Variants in HTT observed in about 807,000 individuals in gnomAD.
HTT encodes huntingtin, also known as huntington disease protein.
In HTT, 104 loss-of-function variants were observed where a neutral mutation model predicts 362.3. That is an observed-to-expected ratio of 0.29 (90% CI 0.24 to 0.34). The LOEUF is 0.34. HTT is among the 10% of genes least tolerant of loss of function. The pLI is 1.00. For synonymous variants in HTT, 1,577 were observed against 1,548.7 expected, an observed-to-expected ratio of 1.02 and a Z score of -0.43; for missense variants, 3,301 against 3,928.6, an observed-to-expected ratio of 0.84 and a Z score of 4.27.
At chr4:3,102,978 ATACCT>A in intron 3 of HTT, among the ~76,000 whole-genome samples, 1 of 152,144 alleles carries the variant, frequency 6.6e-6, no homozygotes, top group Non-Finnish European at 1.5e-5. Flanking sequence ...GACCACGGGC[ATACCT>A]GACAGTGAGG....
chr4:3,088,133 G>A (rs1276620726), intron 2 of HTT, among the ~76,000 whole-genome samples: 1 of 151,528 alleles, frequency 6.6e-6, no homozygotes, highest in Non-Finnish European at 1.5e-5. Context: ...CAGGGCGCCC[G>A]GTGATTCATT....
Position 3,105,444 on chromosome 4 carries a change from G to C in HTT, c.608+8G>C, listed in dbSNP as rs202132294. 1.3e-6 allele frequency: 2 copies of C among 1,595,412 alleles called. No individual in the cohort carries two copies. Among genetic ancestry groups the C allele is most frequent in the Non-Finnish European group, 1.7e-6 (2 of 1,162,884 alleles). Reference sequence around the variant, plus strand: ...TCGGCCTCAGAAATGCAGGTAAGTTGTACACTCTGGATGTTGGTTTTTGTC... The same window carrying C: ...TCGGCCTCAGAAATGCAGGTAAGTTCTACACTCTGGATGTTGGTTTTTGTC... On this transcript the variant is annotated splice_region_variant and intron_variant, in intron 5 of 66. Transcript: ENST00000355072.
At chr4:3,165,536 T>A (rs951170789) in intron 29 of HTT, among the ~76,000 whole-genome samples, 1 of 152,218 alleles carries the variant, frequency 6.6e-6, no homozygotes, top group Non-Finnish European at 1.5e-5. Flanking sequence ...TCCCCATCAC[T>A]TTCAGGTACA....
rs1484796800 is a variant in HTT, at chr4:3,135,938, T to G, written c.2668T>G (p.Leu890Val). 1 of 1,604,228 alleles carries G rather than the reference T, an allele frequency of 6.2e-7. No individual in the cohort carries two copies. ...CTTTTTGGAGGCAAAAGCAGAAAACTTACACAGAGGGGCTCATCATTATAC... is the reference window on the plus strand; with the variant it reads ...CTTTTTGGAGGCAAAAGCAGAAAACGTACACAGAGGGGCTCATCATTATAC... Reference protein sequence around the residue: ...VSFLEAKAENLHRGAHHYTGL... With the variant: ...VSFLEAKAENVHRGAHHYTGL... The change falls in exon 20 of 67, where the codon TTA becomes GTA. Residue 890 changes from leucine to valine, a missense_variant. Leu to Val is a conservative substitution (Grantham distance 32). Transcript: ENST00000355072.
chr4:3,224,142 GA>G lies in HTT; in HGVS notation c.7765+14del. On this transcript the variant is annotated intron_variant, in intron 56 of 66. Transcript: ENST00000355072. The stretch of plus-strand genomic sequence containing the variant: ...CTCCGGCTACTACAGGTACCTGAGG[GA>G]AAGGGTGCGGGGGAGCGGTTGTACT... The G allele has an allele frequency of 6.2e-7, 1 of 1,613,888 alleles. No homozygotes were observed. The highest frequency in any genetic ancestry group is 1.1e-5 in the South Asian group (1 of 91,064).
chr4:3,177,587 A>G (rs924873960), intron 34 of HTT, among the ~76,000 whole-genome samples, 200 bp downstream of exon 34: 1 of 152,260 alleles, frequency 6.6e-6, no homozygotes, highest in Non-Finnish European at 1.5e-5. Context: ...GTAGTTATGT[A>G]TCTGAAAATT....
intron 9 of HTT, 186 bp downstream of exon 9, chr4:3,121,618 G>T: frequency 4.5e-6 from 2 of 444,700 alleles, no homozygotes; most frequent in Non-Finnish European, 8.2e-6. Context: ...GCTCACGCCT[G>T]TAATTTCAGC....
chr4:3,223,848 C>T (rs1312672012), intron 55 of HTT, 144 bp from the exon 56 acceptor site: 7 of 814,724 alleles, frequency 8.6e-6, no homozygotes, highest in South Asian at 3.4e-5. Flanking sequence ...TAAGGGCTCA[C>T]GGACAGGTGC....
At chr4:3,116,671 T>G (rs1715043268) in intron 8 of HTT, among the ~76,000 whole-genome samples, 1 of 152,192 alleles carries the variant, frequency 6.6e-6, no homozygotes, top group Admixed American at 6.5e-5. Flanking sequence ...CCTAGCACAC[T>G]GGTCTAGGCA....
Position 3,131,815 on chromosome 4 carries a change from C to T in HTT, c.2236+40C>T, listed in dbSNP as rs374270880. The T allele has an allele frequency of 8.3e-6, 13 of 1,575,616 alleles. No individual in the cohort carries two copies. The African/African-American group carries it at 1.6e-4, about 20-fold the overall frequency. ...CACATCTTATTTTCTCAGATTTAAT[C>T]ATTATTGTAAAAACTATTTCAGTAT... On this transcript the variant is annotated intron_variant, in intron 16 of 66. Coordinates refer to ENST00000355072, the MANE Select transcript of HTT (RefSeq NM_001388492.1).
chr4:3,111,054 G>A (rs767643424), intron 6 of HTT, among the ~76,000 whole-genome samples: 6 of 152,052 alleles, frequency 3.9e-5, no homozygotes, highest in Non-Finnish European at 1.5e-5. Context: ...GTCTTGCCCT[G>A]TTGCCCAGGT....
Position 3,148,054 on chromosome 4 carries a change from C to A in HTT, c.3345C>A (p.Ala1115=). The A allele has an allele frequency of 6.2e-7, 1 of 1,614,118 alleles. No individual in the cohort carries two copies. Among genetic ancestry groups the A allele is most frequent in the Non-Finnish European group, 8.5e-7 (1 of 1,179,992 alleles). The change falls in exon 26 of 67, where the codon GCC becomes GCA. Residue 1115 remains alanine (A), a synonymous_variant. Transcript: ENST00000355072. ...GTTCATGGGCCTCTGAAGAAGAAGC[C>A]AACCCAGCAGCCACCAAGCAAGAGG... is the stretch of plus-strand genomic sequence containing the variant. The part of the protein sequence containing the change: ...LRSSWASEEE[A]NPAATKQEEV...
chr4:3,148,337 G>A lies in HTT; in HGVS notation c.3498+130G>A, dbSNP rs187906805. 8.6e-4 allele frequency: 590 copies of A among 689,552 alleles called. 1 individual carries two copies. Among genetic ancestry groups the A allele is most frequent in the Non-Finnish European group, 1.3e-3 (542 of 421,872 alleles). 42.7% of individuals were successfully genotyped at this position (689,552 alleles called of 1,614,324 possible). On this transcript the variant is annotated intron_variant, in intron 26 of 66. Transcript: ENST00000355072. ...AAATGAACAAAATTGCTCAGATTGT[G>A]ACACTAAATTTAACATCAAAATGTG...
chr4:3,240,049 C>T lies in HTT; in HGVS notation c.9419C>T (p.Thr3140Ile). ...TGTTTACGAAATGTCCACAAGGTCA[C>T]CACCTGCTGAGCGCCATGGTGGGAG... ...LTCLRNVHKV[T>I]TC is the part of the protein sequence containing the mutation. The change falls in exon 67 of 67, where the codon ACC becomes ATC. Residue 3140 changes from threonine to isoleucine, a missense_variant. Physicochemically the swap from Thr to Ile is moderately conservative, Grantham distance 89. This residue lies in a region of HTT where 753 missense variants were observed against 1,021.3 expected (regional missense o/e 0.74). Transcript: ENST00000355072. 6.3e-7 allele frequency: 1 copy of T among 1,587,774 alleles called. No homozygotes were observed. The highest frequency in any genetic ancestry group is 8.6e-7 in the Non-Finnish European group (1 of 1,166,006).
At chr4:3,110,241 C>T (rs142369546) in intron 6 of HTT, among the ~76,000 whole-genome samples, 36 of 152,144 alleles carry the variant, frequency 2.4e-4, no homozygotes, top group African/African-American at 5.6e-4. Flanking sequence ...TGGAGTTAAT[C>T]GTTACCTCTA....
intron 29 of HTT, among the ~76,000 whole-genome samples, chr4:3,166,282 G>A (rs1560576367): frequency 6.6e-6 from 1 of 152,162 alleles, no homozygotes; most frequent in Non-Finnish European, 1.5e-5. Context: ...TCCTTCCTCT[G>A]GAAACATCGT....
chr4:3,085,179 C>T (rs1054225443), intron 1 of HTT, among the ~76,000 whole-genome samples: 4 of 151,712 alleles, frequency 2.6e-5, no homozygotes, highest in African/African-American at 9.7e-5. Flanking sequence ...GCTCTGTTCC[C>T]CAGGCTAGAG....
rs190082652 is a variant in HTT, at chr4:3,227,207, C to G, written c.7849-1408C>G. ...ATGGGATCATACTGGGGCTGAAGTA[C>G]GGTCCCACCCCTGCCCTGTCTGGGG... On this transcript the variant is annotated intron_variant, in intron 57 of 66. Coordinates refer to ENST00000355072, the MANE Select transcript of HTT (RefSeq NM_001388492.1). Among the ~76,000 whole-genome samples, 8 of 152,342 alleles carry G rather than the reference C, an allele frequency of 5.3e-5. No homozygotes were observed. In the South Asian group the frequency reaches 1.7e-3, roughly 32 times the overall value.
intron 26 of HTT, among the ~76,000 whole-genome samples, 193 bp from the exon 27 acceptor site, chr4:3,154,100 A>G (rs1467243484): frequency 6.6e-6 from 1 of 152,124 alleles, no homozygotes; most frequent in East Asian, 1.9e-4. Flanking sequence ...ACCATGTATC[A>G]TTGTGTGGGT....
Sources: gnomAD v4.1 joint callset for allele counts (sites outside exome capture counted in the v4.1 genomes callset) on GRCh38, gnomAD v4.1.1 for gene constraint, gnomAD v4.1.1 regional missense constraint, MANE v1.5 for transcripts, NCBI Gene and HGNC (gene_info 2026-07-23, HGNC 2026-07-21) for gene names.